Variants in NRG1 observed in about 807,000 individuals in gnomAD.
NRG1 encodes the protein pro-neuregulin-1, membrane-bound isoform.
A neutral mutation model predicts 63.8 loss-of-function variants in NRG1; 18 were observed. That is an observed-to-expected ratio of 0.28 (90% CI 0.19 to 0.42). The LOEUF (loss-of-function observed/expected upper bound fraction) is 0.42, where lower values mean the gene tolerates loss of function less well. Among genes scored for constraint, NRG1 ranks in the 10% least tolerant of loss-of-function variants. The probability of loss-of-function intolerance (pLI) is 1.00; values close to 1 mark genes in which losing one functional copy is unlikely to be tolerated. For synonymous variants in NRG1, 302 were observed against 301.3 expected, an observed-to-expected ratio of 1.00 and a Z score of -0.02; for missense variants, 762 against 814.7, an observed-to-expected ratio of 0.94 and a Z score of 0.79.
chr8:32,624,008 A>G (rs1375317654), intron 5 of NRG1, among the ~76,000 whole-genome samples: 2 of 152,170 alleles, frequency 1.3e-5, no homozygotes, highest in Admixed American at 1.3e-4. Flanking sequence ...GATCATTGAT[A>G]CTTGCATCAT....
At chr8:32,671,982 T>C (rs1006168630) in intron 5 of NRG1, among the ~76,000 whole-genome samples, 1 of 152,110 alleles carries the variant, frequency 6.6e-6, no homozygotes, top group Non-Finnish European at 1.5e-5. Context: ...CTAAATTAAC[T>C]ACACCTCTGC....
chr8:32,193,670 A>G (rs991812899), intron 1 of NRG1, among the ~76,000 whole-genome samples: 3 of 152,060 alleles, frequency 2.0e-5, no homozygotes, highest in Admixed American at 6.6e-5. Context: ...TGCCAAAAAG[A>G]TACGTTAGAA....
intron 1 of NRG1, among the ~76,000 whole-genome samples, chr8:31,729,281 T>C (rs548583524): frequency 1.1e-4 from 16 of 152,120 alleles, no homozygotes; most frequent in African/African-American, 3.9e-4. Context: ...AGGAAGGTCA[T>C]GTCAAAATTA....
At chr8:32,486,486 C>T (rs1825919237) in intron 1 of NRG1, among the ~76,000 whole-genome samples, 1 of 152,132 alleles carries the variant, frequency 6.6e-6, no homozygotes, top group Non-Finnish European at 1.5e-5. Context: ...TCAAAGTTGA[C>T]ATTGTGCTAG....
At chr8:32,560,430 C>T (rs1040874498) in intron 1 of NRG1, among the ~76,000 whole-genome samples, 1 of 152,154 alleles carries the variant, frequency 6.6e-6, no homozygotes, top group African/African-American at 2.4e-5. Context: ...TGTCATATCA[C>T]CAGGTGCCAT....
chr8:32,547,590 A>AACACACAC (rs33943729), upstream of NRG1, among the ~76,000 whole-genome samples: 1,426 of 148,472 alleles, frequency 9.6e-3, 8 homozygotes, highest in Non-Finnish European at 0.015. Flanking sequence ...GCACTTACTA[A>AACACACAC]ACACACACAC....
rs1820069941 is a variant in NRG1 at position 31,785,345 on chromosome 8, G to A, written c.37+145914G>A. Among the ~76,000 whole-genome samples, 6 of 152,128 alleles carry A rather than the reference G, an allele frequency of 3.9e-5. No homozygotes were observed. The South Asian group carries it at 1.2e-3, about 32-fold the overall frequency. ...GCAAGAGCTGTCAATAATTAGGATA[G>A]AAAACTGAACGTGGAACCCTGAAGA... On this transcript the variant is annotated intron_variant, in intron 1 of 10. Coordinates refer to the NRG1 transcript ENST00000519301.
intron 1 of NRG1, among the ~76,000 whole-genome samples, chr8:32,125,018 A>G (rs576389654): frequency 1.3e-5 from 2 of 152,004 alleles, no homozygotes; most frequent in African/African-American, 4.8e-5. Context: ...AGCCTTCATG[A>G]GTGGATTAGG....
intron 7 of NRG1, chr8:32,749,728 C>T: frequency 1.3e-6 from 1 of 754,072 alleles, no homozygotes; most frequent in East Asian, 2.5e-5. Context: ...ACAATGATTT[C>T]TCTGCCTTCA....
At chr8:31,958,274 A>G (rs536405219) in intron 1 of NRG1, among the ~76,000 whole-genome samples, 1 of 152,334 alleles carries the variant, frequency 6.6e-6, no homozygotes, top group South Asian at 2.1e-4. Context: ...AAATTAAAAG[A>G]CTAAAATAAG....
At chr8:31,795,674 T>A (rs1488904257) in intron 1 of NRG1, among the ~76,000 whole-genome samples, 4 of 151,418 alleles carry the variant, frequency 2.6e-5, no homozygotes, top group African/African-American at 9.8e-5. Flanking sequence ...GTCAGCCCAT[T>A]TTTTTTTGTT....
intron 1 of NRG1, among the ~76,000 whole-genome samples, chr8:32,268,311 A>T (rs1278169162): frequency 6.6e-6 from 1 of 152,212 alleles, no homozygotes; most frequent in African/African-American, 2.4e-5. Context: ...AACCCGTGAG[A>T]TAATAAATGT....
At chr8:32,289,875 A>G (rs1444581808) in intron 1 of NRG1, among the ~76,000 whole-genome samples, 3 of 152,212 alleles carry the variant, frequency 2.0e-5, no homozygotes, top group Non-Finnish European at 4.4e-5. Flanking sequence ...TCGATTTAAC[A>G]TTTTAAATTG....
intron 1 of NRG1, among the ~76,000 whole-genome samples, chr8:31,755,824 G>A (rs114574614): frequency 1.1e-4 from 16 of 152,154 alleles, no homozygotes; most frequent in African/African-American, 2.9e-4. Flanking sequence ...TGTGAGAAGC[G>A]AATCACAATT....
At chr8:31,991,363 T>TTCC (rs1164043179) in intron 1 of NRG1, among the ~76,000 whole-genome samples, 22 of 77,504 alleles carry the variant, frequency 2.8e-4, no homozygotes, top group Admixed American at 2.7e-4. Flanking sequence ...TCTTCTTTCT[T>TTCC]TCCTCCTCCT....
rs1036332374 is a variant in NRG1 at position 31,835,606 on chromosome 8, T to C, written c.37+196175T>C. ...ATTCATTAAAATCACCGGGCCTAGT[T>C]TGTGGCCTTCCTTTCACAAACCCCT... On this transcript the variant is annotated intron_variant, in intron 1 of 10. Coordinates refer to the NRG1 transcript ENST00000519301. 6.6e-5 allele frequency among the ~76,000 whole-genome samples: 10 copies of C among 152,300 alleles called. No homozygotes were observed. In the East Asian group the frequency reaches 1.2e-3, roughly 18 times the overall value.
intron 1 of NRG1, among the ~76,000 whole-genome samples, chr8:32,393,364 C>T (rs941371614): frequency 6.6e-6 from 1 of 152,170 alleles, no homozygotes; most frequent in Non-Finnish European, 1.5e-5. Flanking sequence ...TACTACTCAA[C>T]CCAGCAGTCC....
chr8:31,935,883 C>T (rs2060658571), intron 1 of NRG1, among the ~76,000 whole-genome samples: 1 of 152,186 alleles, frequency 6.6e-6, no homozygotes, highest in African/African-American at 2.4e-5. Flanking sequence ...TCACAGTAGG[C>T]TTCCTAAGAC....
chr8:32,557,331 G>C (rs533982450), intron 1 of NRG1, among the ~76,000 whole-genome samples: 2 of 152,256 alleles, frequency 1.3e-5, no homozygotes, highest in South Asian at 2.1e-4. Context: ...TTGTGTGTAC[G>C]TATCAAATCT....
Sources: allele counts gnomAD v4.1 joint callset (sites outside exome capture counted in the v4.1 genomes callset), GRCh38; gene constraint gnomAD v4.1.1; transcripts MANE v1.5; gene names NCBI Gene and HGNC (gene_info 2026-07-23, HGNC 2026-07-21).